CASC3: variants seen among roughly 807,000 people sequenced by gnomAD.
CASC3 encodes the protein protein CASC3.
In CASC3, 30 loss-of-function variants were observed where a neutral mutation model predicts 80.5. The ratio of observed to expected loss-of-function variants is 0.37; its 90% CI spans 0.28 to 0.51. CASC3 has a LOEUF of 0.51. Ranked by LOEUF, CASC3 falls within the 20% of genes least tolerant of loss-of-function variation. The pLI, the probability that CASC3 is intolerant of heterozygous loss-of-function variation, is 0.94. For synonymous variants in CASC3, 312 were observed against 333.6 expected (o/e 0.94, Z 0.70); for missense variants, 824 against 922.2 (o/e 0.89, Z 1.38).
chr17:40,169,374 G>A lies in CASC3; in HGVS notation c.2016G>A (p.Gln672=), dbSNP rs1989534660. 6.2e-7 allele frequency: 1 copy of A among 1,612,978 alleles called. No individual in the cohort carries two copies. The highest frequency in any genetic ancestry group is 1.3e-5 in the African/African-American group (1 of 74,958). ...TGACCTACTATAACCCCGCCCAGCA[G>A]CAGGTGCAGCCAAAGCCCTCCCCAC... The part of the protein sequence containing the change: ...GGVTYYNPAQ[Q]QVQPKPSPPR... The change falls in exon 12 of 14, where the codon CAG becomes CAA. Residue 672 remains glutamine (Q), a synonymous_variant. Coordinates refer to ENST00000264645, the MANE Select transcript of CASC3 (RefSeq NM_007359.5).
At chr17:40,158,548 T>G (rs1027852410) in intron 3 of CASC3, among the ~76,000 whole-genome samples, 2 of 152,148 alleles carry the variant, frequency 1.3e-5, no homozygotes, top group African/African-American at 4.8e-5. Flanking sequence ...TCCCTTATCA[T>G]GAGCCTTAGC....
intron 3 of CASC3, among the ~76,000 whole-genome samples, chr17:40,156,396 C>G (rs1025269070): frequency 6.6e-6 from 1 of 152,106 alleles, no homozygotes; most frequent in Admixed American, 6.6e-5. Flanking sequence ...AAATAGTTAA[C>G]CTTTGAACGG....
Position 40,158,379 on chromosome 17 carries a change from T to C in CASC3, c.298-3374T>C, listed in dbSNP as rs572957851. Among the ~76,000 whole-genome samples, 6 of 152,274 alleles carry C rather than the reference T, an allele frequency of 3.9e-5. No individual in the cohort carries two copies. In the South Asian group the frequency reaches 8.3e-4, roughly 21 times the overall value. On this transcript the variant is annotated intron_variant, in intron 3 of 13. Coordinates refer to ENST00000264645, the MANE Select transcript of CASC3 (RefSeq NM_007359.5). ...AGTGAGAGACCAGTGTACATACATC[T>C]ACCAGGTTTCAGATGTAACCCACCA...
chr17:40,168,076 A>C (rs543843297), intron 10 of CASC3, 127 bp from the exon 11 acceptor site: 1 of 1,278,988 alleles, frequency 7.8e-7, no homozygotes, highest in Non-Finnish European at 1.1e-6. Context: ...TGCTTGGGCA[A>C]CAAGTTCCTC....
At chr17:40,164,326 C>T (rs989173575) in intron 7 of CASC3, among the ~76,000 whole-genome samples, 160 bp downstream of exon 7, 3 of 151,938 alleles carry the variant, frequency 2.0e-5, no homozygotes, top group Admixed American at 1.3e-4. Context: ...TGCAGTGGCG[C>T]GATTTTGGCT....
At chr17:40,166,540 A>T (rs1357486765) in intron 7 of CASC3, among the ~76,000 whole-genome samples, 1 of 152,138 alleles carries the variant, frequency 6.6e-6, no homozygotes, top group African/African-American at 2.4e-5. Flanking sequence ...AAAAAATTTG[A>T]ATTTGATTTT....
chr17:40,141,322 ACT>A (rs1988711043), intron 2 of CASC3, 88 bp downstream of exon 2: 1 of 1,260,434 alleles, frequency 7.9e-7, no homozygotes, highest in Non-Finnish European at 1.2e-6. Context: ...ATTCTCACAC[ACT>A]GTCACGGATT....
intron 5 of CASC3, 62 bp from the exon 6 acceptor site, chr17:40,162,663 C>A: frequency 6.4e-7 from 1 of 1,550,988 alleles, no homozygotes; most frequent in Non-Finnish European, 8.8e-7. Context: ...CCATTTTGTT[C>A]AAGAACATCT....
chr17:40,168,330 C>T lies in CASC3; in HGVS notation c.1878C>T (p.Gly626=), dbSNP rs762736573. 1.2e-6 allele frequency: 2 copies of T among 1,614,106 alleles called. No individual in the cohort carries two copies. The highest frequency in any genetic ancestry group is 3.3e-5 in the Admixed American group (2 of 60,002). Residue 626 remains glycine (G), a synonymous_variant, in exon 11 of 14, where the codon GGC becomes GGT. Coordinates refer to ENST00000264645, the MANE Select transcript of CASC3 (RefSeq NM_007359.5). ...LLAPTYFSAP[G]VMNFGNPSYP... Reference sequence around the variant, plus strand: ...CTCCTACTTACTTTTCTGCTCCAGGCGTCATGAACTTTGGTAATCCCAGTT... The same window carrying T: ...CTCCTACTTACTTTTCTGCTCCAGGTGTCATGAACTTTGGTAATCCCAGTT...
intron 6 of CASC3, among the ~76,000 whole-genome samples, chr17:40,163,187 T>C (rs1001212601): frequency 6.6e-6 from 1 of 152,154 alleles, no homozygotes; most frequent in African/African-American, 2.4e-5. Flanking sequence ...TAGGCTGGAG[T>C]GCAATGGCAT....
chr17:40,145,018 G>T (rs1398465645), intron 3 of CASC3, among the ~76,000 whole-genome samples: 1 of 150,980 alleles, frequency 6.6e-6, no homozygotes, highest in African/African-American at 2.4e-5. Flanking sequence ...ATGCCACCAC[G>T]CCCGCCTAAT....
rs1257415492 is a variant in CASC3, at chr17:40,169,301, TCTC to T, written c.1966-20_1966-18del. The T allele has an allele frequency of 2.0e-6, 3 of 1,509,480 alleles. No individual in the cohort carries two copies. The highest frequency in any genetic ancestry group is 2.7e-6 in the Non-Finnish European group (3 of 1,129,958). 93.5% of individuals were successfully genotyped at this position (1,509,480 alleles called of 1,614,324 possible). On this transcript the variant is annotated intron_variant, in intron 11 of 13. Coordinates refer to ENST00000264645, the MANE Select transcript of CASC3 (RefSeq NM_007359.5). ...GATGAATTCATTCCTAACTTTTTCTTCTCCTGGCTTGTGGGGTCCCAGGCCCCA... is the reference window on the plus strand; with the variant it reads ...GATGAATTCATTCCTAACTTTTTCTTCTGGCTTGTGGGGTCCCAGGCCCCA...
intron 3 of CASC3, among the ~76,000 whole-genome samples, chr17:40,142,971 C>A (rs1197729369): frequency 1.3e-5 from 2 of 151,246 alleles, no homozygotes; most frequent in Non-Finnish European, 2.9e-5. Context: ...CCTGTAATCG[C>A]AGCTACTTGG....
chr17:40,166,066 G>A (rs1022332486), intron 7 of CASC3, among the ~76,000 whole-genome samples: 2 of 151,986 alleles, frequency 1.3e-5, no homozygotes, highest in South Asian at 2.1e-4. Context: ...GCATCCAGCC[G>A]GAATTGAACT....
At position 40,172,166 on chromosome 17, in the gene CASC3, A is replaced by C; in HGVS notation, c.*1761A>C. On this transcript the variant is annotated 3_prime_UTR_variant, in exon 14 of 14. Transcript: ENST00000264645. ...TGGAGATAATAAAATTTAGACTATA[A>C]ACTTGGCTCCCTTGCCAGTGTTTTG... 1 of 1,289,684 alleles carries C rather than the reference A, an allele frequency of 7.8e-7. No homozygotes were observed. The highest frequency in any genetic ancestry group is 1.0e-6 in the Non-Finnish European group (1 of 988,740). The allele number at this position is 1,289,684 out of a possible 1,614,324, so 79.9% of individuals were successfully genotyped here.
chr17:40,148,353 G>C (rs1034185075), intron 3 of CASC3, among the ~76,000 whole-genome samples: 2 of 151,072 alleles, frequency 1.3e-5, no homozygotes, highest in Admixed American at 1.3e-4. Context: ...AGCCAGGTCA[G>C]CTTCATCCCT....
chr17:40,168,347 A>C lies in CASC3; in HGVS notation c.1895A>C (p.Asn632Thr). The change falls in exon 11 of 14, where the codon AAT (asparagine) becomes ACT (threonine). Residue 632 changes from asparagine to threonine, a missense_variant. Physicochemically the swap from Asn to Thr is moderately conservative, Grantham distance 65 (BLOSUM62 0). Transcript: ENST00000264645. The part of the protein sequence containing the change: ...FSAPGVMNFG[N>T]PSYPYAPGAL... ...GCTCCAGGCGTCATGAACTTTGGTA[A>C]TCCCAGTTACCCTTATGCTCCAGGG... is the stretch of plus-strand genomic sequence containing the variant. 6.2e-7 allele frequency: 1 copy of C among 1,614,024 alleles called. No individual in the cohort carries two copies. Among genetic ancestry groups the C allele is most frequent in the African/African-American group, 1.3e-5 (1 of 74,990 alleles).
Position 40,148,283 on chromosome 17 carries a change from CT to C in CASC3, c.297+6678del, listed in dbSNP as rs1354281755. On this transcript the variant is annotated intron_variant, in intron 3 of 13. Transcript: ENST00000264645. ...TTTGGTCCTGCTCTCAACAGTTTCT[CT>C]TCTAGGAACTCCCTTCTAGGGACAG... is the stretch of plus-strand genomic sequence containing the variant. Among the ~76,000 whole-genome samples the C allele has an allele frequency of 9.2e-5, 14 of 152,018 alleles. No individual in the cohort carries two copies. In the East Asian group the frequency reaches 2.7e-3, roughly 29 times the overall value.
intron 3 of CASC3, among the ~76,000 whole-genome samples, chr17:40,157,052 TAAAAG>T (rs988579000): frequency 8.6e-5 from 13 of 151,244 alleles, no homozygotes; most frequent in Non-Finnish European, 1.5e-4. Flanking sequence ...GTTAAAAAAA[TAAAAG>T]GGGGTTGGCC....
Sources: allele counts gnomAD v4.1 joint callset (sites outside exome capture counted in the v4.1 genomes callset), GRCh38; gene constraint gnomAD v4.1.1; transcripts MANE v1.5; gene names NCBI Gene and HGNC (gene_info 2026-07-23, HGNC 2026-07-21).